Variants in YWHAQ observed in about 807,000 individuals in gnomAD.
YWHAQ encodes tyrosine 3-monooxygenase/tryptophan 5-monooxygenase activation protein theta, also known as 14-3-3 protein theta.
Under a neutral mutation model 28.3 loss-of-function variants are expected in YWHAQ, and 6 were observed. That is an observed-to-expected ratio of 0.21 (90% confidence interval 0.12 to 0.42). The LOEUF is 0.42. YWHAQ is among the 10% of genes least tolerant of loss of function. The pLI is 1.00. For missense variants in YWHAQ, 201 were observed against 305.6 expected (o/e 0.66, Z 2.55); for synonymous variants, 143 against 119.1 (o/e 1.20, Z -1.31).
At chr2:9,603,684 G>A (rs187313401) in intron 2 of YWHAQ, among the ~76,000 whole-genome samples, 2 of 152,080 alleles carry the variant, frequency 1.3e-5, no homozygotes, top group Non-Finnish European at 2.9e-5. Flanking sequence ...AACACTTCGG[G>A]AGGCTGAGGC....
intron 5 of YWHAQ, among the ~76,000 whole-genome samples, chr2:9,586,305 G>A (rs1013308518): frequency 6.6e-6 from 1 of 152,180 alleles, no homozygotes; most frequent in East Asian, 1.9e-4. Context: ...AAGAAGAGAA[G>A]TCAGTATTTA....
rs562999459 is a variant in YWHAQ, at chr2:9,596,375, A to C, written c.295-4860T>G. On this transcript the variant is annotated intron_variant, in intron 2 of 5. Transcript: ENST00000238081. ...GTGGCAAAATTCTGTAACACTCAAC[A>C]AATTAATCTTTTAATTCTAAATTCA... 4.6e-5 allele frequency among the ~76,000 whole-genome samples: 7 copies of C among 152,332 alleles called. No homozygotes were observed. In the East Asian group the frequency reaches 1.3e-3, roughly 29 times the overall value.
intron 2 of YWHAQ, among the ~76,000 whole-genome samples, chr2:9,607,744 G>C (rs1364912143): frequency 2.9e-4 from 38 of 130,926 alleles, no homozygotes; most frequent in African/African-American, 1.0e-3. Flanking sequence ...CAGAGTCTCA[G>C]TCTGTCACCC....
chr2:9,597,852 C>T (rs952082025), intron 2 of YWHAQ, among the ~76,000 whole-genome samples: 10 of 149,516 alleles, frequency 6.7e-5, no homozygotes, highest in East Asian at 2.0e-4. Context: ...TGCAATGGTG[C>T]GATCTCGCCC....
intron 2 of YWHAQ, among the ~76,000 whole-genome samples, chr2:9,593,759 T>G (rs1464119267): frequency 6.6e-6 from 1 of 151,034 alleles, no homozygotes; most frequent in East Asian, 2.0e-4. Context: ...ACCCCGGGGG[T>G]GGAGGCTGCA....
In YWHAQ at chr2:9,630,129, C is replaced by T. The variant is rs1558553573; in HGVS notation, c.294+30G>A. On this transcript the variant is annotated intron_variant, in intron 2 of 5. Transcript: ENST00000238081. This position sits in a 1 kb window ranked among gnomAD's most constrained non-coding sequence, Gnocchi z 5.6. ...TCAATGAAAAGCATCTCACAAAAGG[C>T]CTCCCCTGCTCCCCGCGCCGAGGAC... 1 of 1,591,164 alleles carries T rather than the reference C, an allele frequency of 6.3e-7. No individual in the cohort carries two copies. The highest frequency in any genetic ancestry group is 8.6e-7 in the Non-Finnish European group (1 of 1,165,142).
intron 2 of YWHAQ, among the ~76,000 whole-genome samples, chr2:9,599,965 TAAG>T (rs1268689956): frequency 3.9e-5 from 6 of 152,188 alleles, no homozygotes; most frequent in African/African-American, 1.4e-4. Flanking sequence ...TAGATGCCAT[TAAG>T]AAGATTTGTG....
intron 3 of YWHAQ, among the ~76,000 whole-genome samples, chr2:9,590,242 A>AT (rs1666430318): frequency 1.3e-5 from 2 of 152,210 alleles, no homozygotes; most frequent in Non-Finnish European, 2.9e-5. Context: ...CTGATACTTA[A>AT]ATGTACAGTT....
At chr2:9,614,911 A>G (rs1338556121) in intron 2 of YWHAQ, among the ~76,000 whole-genome samples, 1 of 152,222 alleles carries the variant, frequency 6.6e-6, no homozygotes, top group Non-Finnish European at 1.5e-5. Context: ...ACAGGAATTT[A>G]AGAGCCTATG....
chr2:9,610,829 A>G (rs561262321), intron 2 of YWHAQ, among the ~76,000 whole-genome samples: 180 of 152,130 alleles, frequency 1.2e-3, no homozygotes, highest in African/African-American at 4.1e-3. Flanking sequence ...TAAAAATTAA[A>G]TTTACCTTCC....
Position 9,591,492 on chromosome 2 carries a change from T to A in YWHAQ, c.318A>T (p.Ile106=), listed in dbSNP as rs1273849123. 6.2e-7 allele frequency: 1 copy of A among 1,610,916 alleles called. No homozygotes were observed. Among genetic ancestry groups the A allele is most frequent in the Non-Finnish European group, 8.5e-7 (1 of 1,177,628 alleles). The part of the protein sequence containing the change: ...TVLELLDKYL[I]ANATNPESKV... ...TACTCTCTGGATTAGTTGCATTGGC[T>A]ATTAAATATTTATCCAACAATTCCT... The change falls in exon 3 of 6, where the codon ATA becomes ATT. Residue 106 remains isoleucine, a synonymous_variant. Transcript: ENST00000238081.
At chr2:9,587,285 T>C in intron 5 of YWHAQ, 129 bp downstream of exon 5, 1 of 767,554 alleles carries the variant, frequency 1.3e-6, no homozygotes, top group Non-Finnish European at 2.0e-6. Flanking sequence ...GTTCGTCCCA[T>C]AAAATACTAA....
At chr2:9,586,177 T>C (rs1237009559) in intron 5 of YWHAQ, among the ~76,000 whole-genome samples, 1 of 152,210 alleles carries the variant, frequency 6.6e-6, no homozygotes, top group South Asian at 2.1e-4. Context: ...AAGTGGGTGA[T>C]GGAAGCTACA....
intron 2 of YWHAQ, among the ~76,000 whole-genome samples, chr2:9,597,310 C>T (rs1666591365): frequency 6.6e-6 from 1 of 152,120 alleles, no homozygotes; most frequent in African/African-American, 2.4e-5. Flanking sequence ...AAAATGAATG[C>T]ATTAAACAGT....
rs1408634351 is a variant in YWHAQ at position 9,630,745 on chromosome 2, C to T, written c.-83+196G>A. 6.5e-6 allele frequency: 1 copy of T among 153,698 alleles called. No individual in the cohort carries two copies. Among genetic ancestry groups the T allele is most frequent in the Non-Finnish European group, 1.4e-5 (1 of 69,738 alleles). 9.5% of individuals were successfully genotyped at this position (153,698 alleles called of 1,614,324 possible). A position where few individuals can be genotyped will look rare whatever the true frequency, so the allele number is the denominator to read the frequency against. ...GCGGAGGCCCCGCGCGCAGGGAGCC[C>T]GAGCCGCGGCCGCTCCCGCCACCCC... On this transcript the variant is annotated intron_variant, in intron 1 of 5. Transcript: ENST00000238081. This position sits in a 1 kb window ranked among gnomAD's most constrained non-coding sequence, Gnocchi z 5.6.
chr2:9,609,644 C>A (rs534247008), intron 2 of YWHAQ, among the ~76,000 whole-genome samples: 1 of 152,170 alleles, frequency 6.6e-6, no homozygotes, highest in South Asian at 2.1e-4. Context: ...CAAGAAAATT[C>A]TTAAAAGCAA....
At chr2:9,629,778 G>C (rs964571790) in intron 2 of YWHAQ, among the ~76,000 whole-genome samples, 2 of 152,158 alleles carry the variant, frequency 1.3e-5, no homozygotes, top group East Asian at 1.9e-4. Flanking sequence ...AGGTGCCTGC[G>C]CCTTCTTTCA....
chr2:9,628,271 G>A (rs1435777767), intron 2 of YWHAQ, among the ~76,000 whole-genome samples: 1 of 152,182 alleles, frequency 6.6e-6, no homozygotes, highest in East Asian at 1.9e-4. Context: ...ACTATTCTAT[G>A]TCTTCTCAGT....
At chr2:9,591,848 T>C (rs376506048) in intron 2 of YWHAQ, among the ~76,000 whole-genome samples, 2 of 152,238 alleles carry the variant, frequency 1.3e-5, no homozygotes, top group African/African-American at 2.4e-5. Context: ...ATAACGGATA[T>C]AGAGAAGACT....
Sources: allele counts gnomAD v4.1 joint callset (sites outside exome capture counted in the v4.1 genomes callset), GRCh38; gene constraint gnomAD v4.1.1; non-coding constraint Gnocchi (gnomAD v3.1); transcripts MANE v1.5; gene names NCBI Gene and HGNC (gene_info 2026-07-23, HGNC 2026-07-21).